The following NXPE4 variants were observed in gnomAD, a reference collection of about 807,000 sequenced individuals.
NXPE4 encodes the protein NXPE family member 4.
In NXPE4, 42 loss-of-function variants were observed where a neutral mutation model predicts 33.3. The ratio of observed to expected loss-of-function variants is 1.26; its 90% confidence interval spans 0.98 to 1.63. The LOEUF is 1.63. Ranked by LOEUF, NXPE4 falls within the 40% of genes most tolerant of loss-of-function variation. The probability of loss-of-function intolerance (pLI) is 0.00; values close to 1 mark genes in which losing one functional copy is unlikely to be tolerated. For missense variants in NXPE4, 709 were observed against 647.6 expected, an observed-to-expected ratio of 1.09 and a Z score of -1.03; for synonymous variants, 253 against 234.9, an observed-to-expected ratio of 1.08 and a Z score of -0.71.
chr11:114,602,061 T>C, the NXPE4 span, among the ~76,000 whole-genome samples: 1 of 92,252 alleles, frequency 1.1e-5, no homozygotes, highest in Non-Finnish European at 1.8e-5. Context: ...ATTATATATA[T>C]TATAATATAT....
At chr11:114,620,740 G>A in the NXPE4 span, among the ~76,000 whole-genome samples, 93 of 152,108 alleles carry the variant, frequency 6.1e-4, 1 homozygote, top group East Asian at 0.016. Context: ...ACAGTTACCC[G>A]ATGTATAATA....
chr11:114,584,194 TAAGA>T, intron 2 of NXPE4: 1 of 353,160 alleles, frequency 2.8e-6, no homozygotes, highest in Admixed American at 3.9e-5. Context: ...GCCCTGGAAA[TAAGA>T]AAGAGCTGTG....
the NXPE4 span, among the ~76,000 whole-genome samples, chr11:114,671,401 A>G: frequency 6.6e-6 from 1 of 152,038 alleles, no homozygotes; most frequent in African/African-American, 2.4e-5. Context: ...AAATTCCTCA[A>G]ATTTAATGAA....
At chr11:114,576,573 A>G (rs957901435) in intron 5 of NXPE4, among the ~76,000 whole-genome samples, 9 of 152,224 alleles carry the variant, frequency 5.9e-5, no homozygotes, top group African/African-American at 1.9e-4. Context: ...AGATATACAG[A>G]TGGTGAACAA....
At chr11:114,675,100 C>G in the NXPE4 span, among the ~76,000 whole-genome samples, 1 of 151,574 alleles carries the variant, frequency 6.6e-6, no homozygotes, top group Non-Finnish European at 1.5e-5. Context: ...TATTCAATGT[C>G]TTTTCATGAG....
At chr11:114,669,750 C>A in the NXPE4 span, among the ~76,000 whole-genome samples, 4 of 151,946 alleles carry the variant, frequency 2.6e-5, no homozygotes, top group African/African-American at 9.7e-5. Context: ...AGGGCACTGA[C>A]TTTATTTGGA....
the NXPE4 span, among the ~76,000 whole-genome samples, chr11:114,664,992 T>C: frequency 6.6e-6 from 1 of 152,172 alleles, no homozygotes; most frequent in African/African-American, 2.4e-5. Flanking sequence ...ATTTTCAACT[T>C]AGGATATTTT....
chr11:114,592,389 C>A (rs1949476463), intron 2 of NXPE4, among the ~76,000 whole-genome samples: 3 of 151,910 alleles, frequency 2.0e-5, no homozygotes, highest in Admixed American at 1.3e-4. Flanking sequence ...ACCAAACAAC[C>A]TGAAAAAATA....
chr11:114,597,276 T>C (rs1949584389), upstream of NXPE4, among the ~76,000 whole-genome samples: 1 of 152,154 alleles, frequency 6.6e-6, no homozygotes, highest in East Asian at 1.9e-4. Context: ...AAAAAAGAAG[T>C]GGAACATAGC....
chr11:114,599,421 C>T (rs1359226511), upstream of NXPE4, among the ~76,000 whole-genome samples: 2 of 152,162 alleles, frequency 1.3e-5, no homozygotes, highest in Non-Finnish European at 2.9e-5. Context: ...CCACCCTCTG[C>T]CTGTTATCCA....
chr11:114,586,191 C>T (rs1408061110), intron 2 of NXPE4, among the ~76,000 whole-genome samples: 1 of 152,174 alleles, frequency 6.6e-6, no homozygotes, highest in African/African-American at 2.4e-5. Flanking sequence ...ACTTAAATCC[C>T]CTGTCTCTAC....
chr11:114,605,936 C>T, the NXPE4 span, among the ~76,000 whole-genome samples: 3 of 151,630 alleles, frequency 2.0e-5, no homozygotes, highest in African/African-American at 7.3e-5. Flanking sequence ...TGGGAAACCA[C>T]TGTTACCTGG....
At chr11:114,634,033 G>T in the NXPE4 span, among the ~76,000 whole-genome samples, 1 of 151,786 alleles carries the variant, frequency 6.6e-6, no homozygotes, top group Admixed American at 6.6e-5. Context: ...CTGAGGATTC[G>T]CCACACTGAC....
At chr11:114,625,553 C>T in the NXPE4 span, among the ~76,000 whole-genome samples, 2 of 152,002 alleles carry the variant, frequency 1.3e-5, no homozygotes, top group Non-Finnish European at 2.9e-5. Flanking sequence ...CCACTGTTAC[C>T]CGGTGGATAA....
the NXPE4 span, among the ~76,000 whole-genome samples, chr11:114,670,056 A>G: frequency 2.6e-4 from 40 of 152,182 alleles, no homozygotes; most frequent in African/African-American, 9.6e-4. Context: ...GTAGAGCCCT[A>G]TAGAATTAGA....
Position 114,594,731 on chromosome 11 carries a change from G to T in NXPE4, c.29C>A (p.Ser10Ter). 6.3e-7 allele frequency: 1 copy of T among 1,588,716 alleles called. No homozygotes were observed. Among genetic ancestry groups the T allele is most frequent in the South Asian group, 1.1e-5 (1 of 88,800 alleles). The change falls in exon 2 of 6, where the codon TCA becomes TAA. Residue 10 changes from serine to a stop codon, truncating the protein, a stop_gained. Coordinates refer to ENST00000375478, the MANE Select transcript of NXPE4 (RefSeq NM_001077639.2). LOFTEE classifies it high-confidence loss of function. ...TAATATAAACAACAGTGCCAATAGT[G>T]ACTTATAATTTATCATACTTATTTT... Reference protein sequence around the residue: MKISMINYKSLLALLFILAS... With the variant: MKISMINYK
chr11:114,601,896 TTTATATATATTATATAATTATATATAA>T, the NXPE4 span, among the ~76,000 whole-genome samples: 4 of 40,528 alleles, frequency 9.9e-5, no homozygotes, highest in Non-Finnish European at 1.6e-4. Flanking sequence ...ATATATTATA[TTTATATATATTATATAATTATATATAA>T]TATATTTATA....
chr11:114,629,176 G>A, the NXPE4 span, among the ~76,000 whole-genome samples: 825 of 152,114 alleles, frequency 5.4e-3, 20 homozygotes, highest in African/African-American at 0.019. Flanking sequence ...ATTTTATGAG[G>A]CCAGCATCAT....
chr11:114,580,553 C>A (rs1427495248), intron 4 of NXPE4, among the ~76,000 whole-genome samples: 1 of 151,650 alleles, frequency 6.6e-6, no homozygotes, highest in Non-Finnish European at 1.5e-5. Context: ...CATTAATGTT[C>A]GTTATAAGAG....
Sources: allele counts gnomAD v4.1 joint callset (sites outside exome capture counted in the v4.1 genomes callset), GRCh38; gene constraint gnomAD v4.1.1; transcripts MANE v1.5; gene names NCBI Gene and HGNC (gene_info 2026-07-23, HGNC 2026-07-21).